Variants in ASXL2 observed in about 807,000 individuals in gnomAD.
The protein encoded by ASXL2 is ASXL transcriptional regulator 2.
ASXL2 carries 23 observed loss-of-function variants against 122.0 expected under a neutral mutation model. That is an observed-to-expected ratio of 0.19 (90% CI 0.14 to 0.27). The LOEUF is 0.27. Ranked by LOEUF, ASXL2 falls within the 10% of genes least tolerant of loss-of-function variation. The pLI, the probability that ASXL2 is intolerant of heterozygous loss-of-function variation, is 1.00. For missense variants in ASXL2, 1,518 were observed against 1,713.8 expected (o/e 0.89, Z 2.02); for synonymous variants, 650 against 637.0 (o/e 1.02, Z -0.31).
chr2:25,870,884 A>G (rs1304335575), intron 1 of ASXL2, among the ~76,000 whole-genome samples: 5 of 152,216 alleles, frequency 3.3e-5, no homozygotes, highest in African/African-American at 7.2e-5. Context: ...AATATTTTCA[A>G]TATTTCAGTA....
Position 25,743,105 on chromosome 2 carries a change from T to G in ASXL2, c.3232A>C (p.Asn1078His), listed in dbSNP as rs1314812877. Residue 1078 changes from asparagine (N) to histidine (H), a missense_variant, in exon 13 of 13, where the codon AAT (asparagine) becomes CAT (histidine). Coordinates refer to ENST00000435504, the MANE Select transcript of ASXL2 (RefSeq NM_018263.6). ...GAGGGCGGCACAACTGAGAGAAGAT[T>G]CTGCCTCCGAACCCTCTGAATGAGA... ...QTLIQRVRRQ[N>H]LLSVVPPSQF... is the part of the protein sequence containing the mutation. 5 of 1,613,870 alleles carry G rather than the reference T, an allele frequency of 3.1e-6. No homozygotes were observed. Among genetic ancestry groups the G allele is most frequent in the Non-Finnish European group, 4.2e-6 (5 of 1,179,900 alleles).
At chr2:25,858,302 G>A (rs1013456200) in intron 1 of ASXL2, among the ~76,000 whole-genome samples, 1 of 151,890 alleles carries the variant, frequency 6.6e-6, no homozygotes, top group Non-Finnish European at 1.5e-5. Context: ...AGCCAGAAAA[G>A]GTTTCAGAAC....
intron 12 of ASXL2, 82 bp downstream of exon 12, chr2:25,749,614 A>G (rs1370722243): frequency 8.8e-7 from 1 of 1,134,822 alleles, no homozygotes; most frequent in Admixed American, 3.3e-5. Context: ...AACTACCACA[A>G]TTTACTTGAA....
intron 11 of ASXL2, among the ~76,000 whole-genome samples, chr2:25,752,819 T>G (rs1296934883): frequency 6.8e-6 from 1 of 147,402 alleles, no homozygotes; most frequent in African/African-American, 2.5e-5. Context: ...TACTCCAGCC[T>G]GGGCGACAAG....
intron 3 of ASXL2, among the ~76,000 whole-genome samples, chr2:25,807,919 T>C (rs1041631721): frequency 6.6e-6 from 1 of 151,006 alleles, no homozygotes; most frequent in African/African-American, 2.4e-5. Context: ...AGTCATGTGG[T>C]TGAGAGGGAC....
chr2:25,791,482 C>T (rs574316778), intron 5 of ASXL2, among the ~76,000 whole-genome samples: 2 of 133,414 alleles, frequency 1.5e-5, no homozygotes, highest in South Asian at 2.6e-4. Flanking sequence ...AGCAAGACTC[C>T]GTCTCAAAAA....
chr2:25,767,255 A>G (rs1290422572), intron 8 of ASXL2, among the ~76,000 whole-genome samples: 2 of 152,224 alleles, frequency 1.3e-5, no homozygotes, highest in Non-Finnish European at 2.9e-5. Context: ...CTATTGGCAG[A>G]AAGGGAAATA....
chr2:25,785,709 G>C (rs934448329), intron 5 of ASXL2, among the ~76,000 whole-genome samples: 1 of 151,760 alleles, frequency 6.6e-6, no homozygotes, highest in African/African-American at 2.4e-5. Context: ...ACCACGCCTG[G>C]CTCACTTTTG....
intron 5 of ASXL2, among the ~76,000 whole-genome samples, chr2:25,788,799 T>C (rs1014720429): frequency 6.6e-6 from 1 of 152,182 alleles, no homozygotes; most frequent in Non-Finnish European, 1.5e-5. Flanking sequence ...TACTAACTTG[T>C]AGGAGTTCCT....
At chr2:25,823,187 A>C (rs1486031552) in intron 3 of ASXL2, among the ~76,000 whole-genome samples, 1 of 152,118 alleles carries the variant, frequency 6.6e-6, no homozygotes, top group African/African-American at 2.4e-5. Context: ...CATTTCCTAG[A>C]TTTTCATGAA....
intron 5 of ASXL2, among the ~76,000 whole-genome samples, chr2:25,783,259 T>C (rs940160269): frequency 1.3e-5 from 2 of 152,198 alleles, no homozygotes; most frequent in South Asian, 4.1e-4. Flanking sequence ...TTATACTTTC[T>C]ATCTCTACTG....
intron 5 of ASXL2, among the ~76,000 whole-genome samples, chr2:25,782,549 AAAAACAAAAC>A (rs769370248): frequency 3.7e-4 from 57 of 152,248 alleles, no homozygotes; most frequent in Middle Eastern, 3.4e-3. Flanking sequence ...CCATCTCAGA[AAAAACAAAAC>A]AAAACAAAAC....
chr2:25,814,754 G>A (rs968995669), intron 3 of ASXL2, among the ~76,000 whole-genome samples: 5 of 152,194 alleles, frequency 3.3e-5, no homozygotes, highest in Non-Finnish European at 7.3e-5. Flanking sequence ...AGCTAGTAGG[G>A]CTAAGAGAGC....
At chr2:25,833,124 T>G (rs2089473292) in intron 3 of ASXL2, among the ~76,000 whole-genome samples, 1 of 152,144 alleles carries the variant, frequency 6.6e-6, no homozygotes. Context: ...GGTACATGAA[T>G]CTATACACGT....
intron 1 of ASXL2, among the ~76,000 whole-genome samples, chr2:25,875,112 TAACTA>T (rs1371497823): frequency 6.6e-6 from 1 of 152,132 alleles, no homozygotes; most frequent in African/African-American, 2.4e-5. Flanking sequence ...GTGAAACTGT[TAACTA>T]AATACTAGAA....
chr2:25,841,439 A>C (rs775627549), intron 2 of ASXL2, among the ~76,000 whole-genome samples: 12 of 152,158 alleles, frequency 7.9e-5, no homozygotes, highest in Non-Finnish European at 1.5e-4. Context: ...TATGCTGAGG[A>C]GTGGGGAAAG....
At chr2:25,876,061 G>A (rs1037710996) in intron 1 of ASXL2, among the ~76,000 whole-genome samples, 2 of 151,722 alleles carry the variant, frequency 1.3e-5, no homozygotes, top group Admixed American at 1.3e-4. Context: ...AAAATTAAGA[G>A]TGTTTTCTAG....
intron 1 of ASXL2, among the ~76,000 whole-genome samples, chr2:25,850,147 T>G (rs1298877443): frequency 6.6e-6 from 1 of 151,802 alleles, no homozygotes; most frequent in Non-Finnish European, 1.5e-5. Context: ...TTTCATTCAT[T>G]ATTATTGTAG....
intron 7 of ASXL2, among the ~76,000 whole-genome samples, chr2:25,768,015 A>T (rs2088383418): frequency 1.3e-5 from 2 of 152,224 alleles, no homozygotes; most frequent in South Asian, 4.1e-4. Context: ...TATCAAACTG[A>T]ATTATGTAAT....
Sources: gnomAD v4.1 joint callset for allele counts (sites outside exome capture counted in the v4.1 genomes callset) on GRCh38, gnomAD v4.1.1 for gene constraint, MANE v1.5 for transcripts, NCBI Gene and HGNC (gene_info 2026-07-23, HGNC 2026-07-21) for gene names.